Variants in SAMD5 observed in about 807,000 individuals in gnomAD.
SAMD5 encodes sterile alpha motif domain-containing protein 5.
In SAMD5, 13 loss-of-function variants were observed where a neutral mutation model predicts 11.3. The ratio of observed to expected loss-of-function variants is 1.15; its 90% CI spans 0.75 to 1.83. The LOEUF (loss-of-function observed/expected upper bound fraction) is 1.83, where lower values mean the gene tolerates loss of function less well. Among genes scored for constraint, SAMD5 ranks in the 40% most tolerant of loss-of-function variants. SAMD5 has a pLI of 0.00. For missense variants in SAMD5, 255 were observed against 239.1 expected (o/e 1.07, Z -0.44); for synonymous variants, 129 against 111.3 (o/e 1.16, Z -1.00).
intron 1 of SAMD5, among the ~76,000 whole-genome samples, chr6:147,679,635 C>A (rs73011940): frequency 0.11 from 17,444 of 151,870 alleles, 1,100 homozygotes; most frequent in African/African-American, 0.16. Context: ...ATTTTTTCTA[C>A]GAGCAGAGTT....
chr6:147,932,281 G>A, the SAMD5 span, among the ~76,000 whole-genome samples: 3 of 152,046 alleles, frequency 2.0e-5, no homozygotes, highest in Non-Finnish European at 4.4e-5. Flanking sequence ...CTGGGTCCTA[G>A]GGTATCCTGA....
At chr6:147,657,865 G>A (rs58659741) in intron 1 of SAMD5, among the ~76,000 whole-genome samples, 13,533 of 152,202 alleles carry the variant, frequency 0.089, 895 homozygotes, top group East Asian at 0.26. Flanking sequence ...TCCCCTTGAT[G>A]GTTAGGATGT....
rs530316408 is a variant in SAMD5, at chr6:147,679,686, G to A, written c.163-57631G>A. On this transcript the variant is annotated intron_variant, in intron 1 of 1. Transcript: ENST00000566741. ...AGTCCAATGTCTCTTTCTTTTCTTT[G>A]ATCATCATTTTGTTGTCATATCTAA... Among the ~76,000 whole-genome samples the A allele has an allele frequency of 3.3e-5, 5 of 151,480 alleles. No individual in the cohort carries two copies. The East Asian group carries it at 5.8e-4, about 18-fold the overall frequency.
chr6:147,529,628 A>C (rs77722389), intron 1 of SAMD5, among the ~76,000 whole-genome samples: 2,620 of 152,270 alleles, frequency 0.017, 71 homozygotes, highest in African/African-American at 0.059. Context: ...CACACATAGA[A>C]AATGCTGAAT....
chr6:147,545,709 C>T (rs1360940544), intron 1 of SAMD5, among the ~76,000 whole-genome samples: 2 of 152,018 alleles, frequency 1.3e-5, no homozygotes, highest in South Asian at 2.1e-4. Flanking sequence ...CTCAGGTGCA[C>T]ACAAGTACAA....
rs200027148 is a variant in SAMD5 at position 147,566,793 on chromosome 6, C to T, written c.*2337C>T. On this transcript the variant is annotated 3_prime_UTR_variant, in exon 2 of 2. Coordinates refer to ENST00000367474, the MANE Select transcript of SAMD5 (RefSeq NM_001030060.3). ...ATAAGCAAAGAAGTATTGAAGGATG[C>T]CCACGAATTCCTTTGCATTAAAATC... The T allele has an allele frequency of 2.1e-5, 21 of 980,412 alleles. No individual in the cohort carries two copies. The East Asian group carries it at 2.3e-3, about 106-fold the overall frequency. The allele number at this position is 980,412 out of a possible 1,614,324, so 60.7% of individuals were successfully genotyped here.
the SAMD5 span, among the ~76,000 whole-genome samples, chr6:147,764,079 G>A: frequency 6.6e-6 from 1 of 152,322 alleles, no homozygotes; most frequent in South Asian, 2.1e-4. Context: ...TGGGCAAATT[G>A]CTAAAATGTG....
At chr6:147,819,511 C>A in the SAMD5 span, among the ~76,000 whole-genome samples, 2 of 152,186 alleles carry the variant, frequency 1.3e-5, no homozygotes, top group South Asian at 2.1e-4. Flanking sequence ...AAATTCTTTT[C>A]TTGCTACTCA....
At chr6:147,813,234 G>A in the SAMD5 span, among the ~76,000 whole-genome samples, 2 of 152,170 alleles carry the variant, frequency 1.3e-5, no homozygotes, top group Non-Finnish European at 2.9e-5. Flanking sequence ...TCAGTTCAGG[G>A]TTCTCTGTAA....
At chr6:147,843,710 T>G in the SAMD5 span, among the ~76,000 whole-genome samples, 1 of 152,184 alleles carries the variant, frequency 6.6e-6, no homozygotes. Context: ...GTCAATTGAT[T>G]TTTTACAAAG....
chr6:147,943,048 T>C, the SAMD5 span, among the ~76,000 whole-genome samples: 1 of 152,034 alleles, frequency 6.6e-6, no homozygotes. Flanking sequence ...CTTGAACTCC[T>C]GACCTCAGGT....
intron 1 of SAMD5, among the ~76,000 whole-genome samples, chr6:147,544,715 T>C (rs1313205219): frequency 6.6e-6 from 1 of 152,220 alleles, no homozygotes; most frequent in Admixed American, 6.6e-5. Context: ...TGGTATATTC[T>C]ATATGATTTT....
At chr6:147,941,702 T>G in the SAMD5 span, among the ~76,000 whole-genome samples, 1 of 152,316 alleles carries the variant, frequency 6.6e-6, no homozygotes, top group East Asian at 1.9e-4. Context: ...TGCTTTGTAT[T>G]ACAGAGCAAC....
At chr6:147,723,213 T>C (rs1791579778) in intron 1 of SAMD5, among the ~76,000 whole-genome samples, 1 of 152,212 alleles carries the variant, frequency 6.6e-6, no homozygotes. Flanking sequence ...TCACCATTTC[T>C]GTTCCTTTTT....
chr6:147,509,866 C>G (rs948541508), intron 1 of SAMD5, among the ~76,000 whole-genome samples: 2 of 152,098 alleles, frequency 1.3e-5, no homozygotes, highest in African/African-American at 2.4e-5. Flanking sequence ...AAAGTCAGGC[C>G]CTGCCTTTCT....
chr6:147,564,841 G>T lies in SAMD5; in HGVS notation c.*385G>T. On this transcript the variant is annotated 3_prime_UTR_variant, in exon 2 of 2. Coordinates refer to ENST00000367474, the MANE Select transcript of SAMD5 (RefSeq NM_001030060.3). ...ATAACAAAAAGGTAGATTTCTGACA[G>T]TAAGTAGTAATTATATTATTTCCAA... The T allele has an allele frequency of 1.0e-6, 1 of 957,866 alleles. No individual in the cohort carries two copies. The highest frequency in any genetic ancestry group is 1.8e-5 in the African/African-American group (1 of 56,636). 59.3% of individuals were successfully genotyped at this position (957,866 alleles called of 1,614,324 possible).
the SAMD5 span, among the ~76,000 whole-genome samples, chr6:147,922,896 C>T: frequency 6.6e-6 from 1 of 152,104 alleles, no homozygotes; most frequent in African/African-American, 2.4e-5. Context: ...ATCAAGGGCT[C>T]AGGACTCCAG....
intron 1 of SAMD5, among the ~76,000 whole-genome samples, chr6:147,673,020 C>T (rs1044756623): frequency 6.6e-6 from 1 of 152,078 alleles, no homozygotes; most frequent in Non-Finnish European, 1.5e-5. Context: ...TTATGCTACT[C>T]TTACCTTTTT....
At chr6:147,602,496 C>A (rs976992848) in intron 1 of SAMD5, among the ~76,000 whole-genome samples, 1 of 152,164 alleles carries the variant, frequency 6.6e-6, no homozygotes, top group Non-Finnish European at 1.5e-5. Context: ...GTAATCCCAG[C>A]ACTTTGGGAG....
Sources: allele counts gnomAD v4.1 joint callset (sites outside exome capture counted in the v4.1 genomes callset), GRCh38; gene constraint gnomAD v4.1.1; transcripts MANE v1.5; gene names NCBI Gene and HGNC (gene_info 2026-07-23, HGNC 2026-07-21).